ACSL3: variants seen among roughly 807,000 people sequenced by gnomAD.
ACSL3 encodes acyl-CoA synthetase long chain family member 3.
A neutral mutation model predicts 84.7 loss-of-function variants in ACSL3; 34 were observed. The ratio of observed to expected loss-of-function variants is 0.40; its 90% CI spans 0.31 to 0.53. ACSL3 has a LOEUF of 0.53. ACSL3 is among the 20% of genes least tolerant of loss of function. The pLI is 0.48. For missense variants in ACSL3, 680 were observed against 873.1 expected (o/e 0.78, Z 2.79); for synonymous variants, 315 against 299.4 (o/e 1.05, Z -0.54).
chr2:222,928,421 A>G (rs1696937652), intron 12 of ACSL3, among the ~76,000 whole-genome samples: 1 of 152,194 alleles, frequency 6.6e-6, no homozygotes. Flanking sequence ...CCTTTAAGAC[A>G]GGGATTTCAA....
intron 12 of ACSL3, 136 bp from the exon 13 acceptor site, chr2:222,928,726 T>A: frequency 2.7e-6 from 2 of 740,666 alleles, no homozygotes; most frequent in Non-Finnish European, 4.5e-6. Flanking sequence ...GCTTCACCAA[T>A]ATGTGACTTC....
intron 1 of ACSL3, among the ~76,000 whole-genome samples, chr2:222,875,128 C>A (rs1695412300): frequency 6.6e-6 from 1 of 152,084 alleles, no homozygotes; most frequent in Non-Finnish European, 1.5e-5. Context: ...GTGATCAGAA[C>A]AGTGCCTGGC....
At chr2:222,871,581 G>T (rs1391343083) in intron 1 of ACSL3, among the ~76,000 whole-genome samples, 2 of 152,214 alleles carry the variant, frequency 1.3e-5, no homozygotes, top group Admixed American at 1.3e-4. Context: ...TGGCAGCCTT[G>T]TGAGTAGGAG....
chr2:222,926,830 C>A (rs1340099579), intron 11 of ACSL3, among the ~76,000 whole-genome samples, 187 bp from the exon 12 acceptor site: 1 of 152,102 alleles, frequency 6.6e-6, no homozygotes, highest in Non-Finnish European at 1.5e-5. Flanking sequence ...ATAATAAATT[C>A]TTTACCTTGT....
chr2:222,910,580 A>C lies in ACSL3; in HGVS notation c.378+1430A>C, dbSNP rs184170695. On this transcript the variant is annotated intron_variant, in intron 4 of 16. Coordinates refer to ENST00000357430, the MANE Select transcript of ACSL3 (RefSeq NM_004457.5). ...TATGGCCCATTAATTTTGCCACTTA[A>C]ACAAATTTCATACATCATTTTCCTC... is the stretch of plus-strand genomic sequence containing the variant. 1.4e-3 allele frequency among the ~76,000 whole-genome samples: 213 copies of C among 152,350 alleles called. 1 individual carries two copies. Among genetic ancestry groups the C allele is most frequent in the African/African-American group, 4.9e-3 (203 of 41,574 alleles).
chr2:222,880,611 G>A (rs1401920874), intron 1 of ACSL3, among the ~76,000 whole-genome samples: 9 of 151,816 alleles, frequency 5.9e-5, no homozygotes, highest in Non-Finnish European at 1.0e-4. Context: ...GGCGGATCAC[G>A]AGATCAGGAG....
chr2:222,903,408 C>CT (rs747498778), intron 3 of ACSL3, among the ~76,000 whole-genome samples: 1 of 152,216 alleles, frequency 6.6e-6, no homozygotes, highest in Non-Finnish European at 1.5e-5. Context: ...TCCCAAAGTC[C>CT]TGGGATTACA....
At chr2:222,912,742 G>A (rs189008716) in intron 4 of ACSL3, among the ~76,000 whole-genome samples, 11 of 152,284 alleles carry the variant, frequency 7.2e-5, no homozygotes, top group Non-Finnish European at 1.5e-4. Context: ...CCCTGCTCTC[G>A]TTGTGTCCAA....
At chr2:222,932,047 C>G (rs1228091122) in intron 14 of ACSL3, among the ~76,000 whole-genome samples, 1 of 152,154 alleles carries the variant, frequency 6.6e-6, no homozygotes, top group Non-Finnish European at 1.5e-5. Context: ...AATCTCAAAA[C>G]CAACCAACCA....
chr2:222,933,282 T>G lies in ACSL3; in HGVS notation c.1847+2T>G. 1 of 1,597,384 alleles carries G rather than the reference T, an allele frequency of 6.3e-7. No individual in the cohort carries two copies. The highest frequency in any genetic ancestry group is 8.6e-7 in the Non-Finnish European group (1 of 1,167,124). ...TAACATTTGTGCATATGCAAACAGG[T>G]AAGAACGTGGAATTCATACTACTTT... On this transcript the variant is annotated splice_donor_variant, in intron 15 of 16. Coordinates refer to ENST00000357430, the MANE Select transcript of ACSL3 (RefSeq NM_004457.5). LOFTEE classifies it high-confidence loss of function.
At chr2:222,918,001 A>G (rs752297838) in intron 5 of ACSL3, 45 bp from the exon 6 acceptor site, 1 of 1,325,034 alleles carries the variant, frequency 7.5e-7, no homozygotes, top group South Asian at 1.2e-5. Context: ...TTACATTTGT[A>G]GTTAAATGTT....
At position 222,908,760 on chromosome 2, in the gene ACSL3, T is replaced by G; in HGVS notation, c.-13T>G. The G allele has an allele frequency of 6.4e-7, 1 of 1,566,216 alleles. No homozygotes were observed. Among genetic ancestry groups the G allele is most frequent in the African/African-American group, 1.4e-5 (1 of 71,724 alleles). On this transcript the variant is annotated 5_prime_UTR_variant, in exon 4 of 17. Transcript: ENST00000357430. ...TCTCGCTGAAGTCTGTTAATTCTAC[T>G]TTTTGAGTACTTATGAATAACCACG...
At chr2:222,870,866 C>T (rs1574514992) in intron 1 of ACSL3, among the ~76,000 whole-genome samples, 1 of 151,936 alleles carries the variant, frequency 6.6e-6, no homozygotes, top group East Asian at 1.9e-4. Flanking sequence ...TTTTTTTCCC[C>T]TTTTGGACAA....
At chr2:222,917,911 A>G in intron 5 of ACSL3, 135 bp from the exon 6 acceptor site, 2 of 509,102 alleles carry the variant, frequency 3.9e-6, no homozygotes. Flanking sequence ...ACTTTAAAAA[A>G]CATAACACTT....
chr2:222,941,476 C>CTTTTTTT, intron 16 of ACSL3, 21 bp from the exon 17 acceptor site: 3 of 1,456,490 alleles, frequency 2.1e-6, no homozygotes, highest in Non-Finnish European at 9.2e-7. Flanking sequence ...TTCTTCTTTT[C>CTTTTTTT]TTTTTTTTTA....
At chr2:222,941,472 TTTTC>T (rs764033140) in intron 16 of ACSL3, 21 bp from the exon 17 acceptor site, 4 of 1,153,728 alleles carry the variant, frequency 3.5e-6, no homozygotes, top group Admixed American at 5.1e-5. Flanking sequence ...CCTTTTCTTC[TTTTC>T]TTTTTTTTTA....
chr2:222,907,384 T>TG (rs1469315254), intron 3 of ACSL3, among the ~76,000 whole-genome samples: 3 of 152,206 alleles, frequency 2.0e-5, no homozygotes, highest in Non-Finnish European at 2.9e-5. Context: ...GCTGGCTGCT[T>TG]GCGTCACTTG....
intron 1 of ACSL3, among the ~76,000 whole-genome samples, chr2:222,871,780 G>A (rs1045427958): frequency 1.3e-5 from 2 of 152,146 alleles, no homozygotes; most frequent in African/African-American, 4.8e-5. Context: ...CAGGTCTAGT[G>A]GGTGAGGGGT....
intron 11 of ACSL3, among the ~76,000 whole-genome samples, chr2:222,924,898 C>T (rs1293148534): frequency 6.6e-6 from 1 of 151,846 alleles, no homozygotes; most frequent in South Asian, 2.1e-4. Context: ...TGGTGGCGGG[C>T]GCCTGTAATC....
Sources: gnomAD v4.1 joint callset for allele counts (sites outside exome capture counted in the v4.1 genomes callset) on GRCh38, gnomAD v4.1.1 for gene constraint, MANE v1.5 for transcripts, NCBI Gene and HGNC (gene_info 2026-07-23, HGNC 2026-07-21) for gene names.